ZCCHC7: variants seen among roughly 807,000 people sequenced by gnomAD.
The protein encoded by ZCCHC7 is zinc finger CCHC domain-containing protein 7.
A neutral mutation model predicts 52.0 loss-of-function variants in ZCCHC7; 35 were observed. That is an observed-to-expected ratio of 0.67 (90% CI 0.51 to 0.89). ZCCHC7 has a LOEUF of 0.89. ZCCHC7 is among the 40% of genes least tolerant of loss of function. ZCCHC7 has a pLI of 0.00. For missense variants in ZCCHC7, 574 were observed against 649.1 expected (o/e 0.88, Z 1.26); for synonymous variants, 217 against 221.5 (o/e 0.98, Z 0.18).
At chr9:37,217,619 A>C (rs1824579872) in intron 2 of ZCCHC7, among the ~76,000 whole-genome samples, 1 of 152,198 alleles carries the variant, frequency 6.6e-6, no homozygotes, top group Admixed American at 6.5e-5. Context: ...TATTGTTAGA[A>C]TAATATACAC....
intron 6 of ZCCHC7, among the ~76,000 whole-genome samples, chr9:37,340,187 G>A (rs908874486): frequency 2.6e-5 from 4 of 152,148 alleles, no homozygotes; most frequent in African/African-American, 7.2e-5. Flanking sequence ...GCTGCACTTT[G>A]AGGAGACATT....
intron 1 of ZCCHC7, among the ~76,000 whole-genome samples, chr9:37,122,108 A>G (rs999050018): frequency 1.3e-5 from 2 of 152,260 alleles, no homozygotes; most frequent in Non-Finnish European, 2.9e-5. Context: ...TGTGTCATCA[A>G]GAAGGAACAT....
chr9:37,222,967 A>T (rs1397058335), intron 2 of ZCCHC7, among the ~76,000 whole-genome samples: 1 of 152,160 alleles, frequency 6.6e-6, no homozygotes, highest in African/African-American at 2.4e-5. Flanking sequence ...ATCTGTTAAG[A>T]TGGCAGATCA....
At chr9:37,124,002 A>G (rs1474615830) in intron 1 of ZCCHC7, among the ~76,000 whole-genome samples, 1 of 152,208 alleles carries the variant, frequency 6.6e-6, no homozygotes, top group Non-Finnish European at 1.5e-5. Context: ...AAACAACTCC[A>G]GTAGGAATGT....
chr9:37,266,677 C>T (rs762021519), intron 2 of ZCCHC7, among the ~76,000 whole-genome samples: 5 of 152,000 alleles, frequency 3.3e-5, no homozygotes, highest in Non-Finnish European at 5.9e-5. Context: ...AGTTTGAGAC[C>T]AGCCTAGGCA....
At chr9:37,124,855 T>C (rs1316117015) in intron 1 of ZCCHC7, among the ~76,000 whole-genome samples, 2 of 152,218 alleles carry the variant, frequency 1.3e-5, no homozygotes, top group African/African-American at 4.8e-5. Context: ...TACATTTTTG[T>C]AACTAGTACA....
intron 2 of ZCCHC7, among the ~76,000 whole-genome samples, chr9:37,180,951 A>G (rs1822317792): frequency 6.6e-6 from 1 of 152,192 alleles, no homozygotes; most frequent in Non-Finnish European, 1.5e-5. Flanking sequence ...TTGTTTTCCA[A>G]TACATCAGGT....
At chr9:37,252,399 T>C (rs1826373531) in intron 2 of ZCCHC7, among the ~76,000 whole-genome samples, 1 of 152,194 alleles carries the variant, frequency 6.6e-6, no homozygotes, top group Non-Finnish European at 1.5e-5. Context: ...AGAACCAAAA[T>C]AGTGTAACAA....
At chr9:37,272,129 AT>A (rs1276224864) in intron 2 of ZCCHC7, among the ~76,000 whole-genome samples, 1 of 152,188 alleles carries the variant, frequency 6.6e-6, no homozygotes, top group East Asian at 1.9e-4. Flanking sequence ...GTCATTAATG[AT>A]TTTATCTACT....
At chr9:37,216,310 A>T (rs1304061372) in intron 2 of ZCCHC7, among the ~76,000 whole-genome samples, 1 of 152,190 alleles carries the variant, frequency 6.6e-6, no homozygotes, top group Non-Finnish European at 1.5e-5. Flanking sequence ...TAGAAATTTT[A>T]TTATATTATT....
chr9:37,314,522 A>T (rs1476569515), intron 5 of ZCCHC7, among the ~76,000 whole-genome samples: 3 of 152,224 alleles, frequency 2.0e-5, no homozygotes, highest in Non-Finnish European at 4.4e-5. Context: ...GGACATAATT[A>T]TCTGAGTTAT....
At chr9:37,172,366 G>A (rs773676366) in intron 2 of ZCCHC7, among the ~76,000 whole-genome samples, 8 of 152,050 alleles carry the variant, frequency 5.3e-5, no homozygotes, top group Non-Finnish European at 1.0e-4. Context: ...GAACTTTGCC[G>A]GATATTTTGA....
At chr9:37,319,127 G>A (rs1829951253) in intron 5 of ZCCHC7, among the ~76,000 whole-genome samples, 1 of 151,826 alleles carries the variant, frequency 6.6e-6, no homozygotes, top group African/African-American at 2.4e-5. Context: ...ATTTTCTAAT[G>A]GCTAATAATG....
At chr9:37,207,238 A>G (rs147416624) in intron 2 of ZCCHC7, among the ~76,000 whole-genome samples, 17 of 152,294 alleles carry the variant, frequency 1.1e-4, no homozygotes, top group Admixed American at 7.9e-4. Context: ...TTCTTAAATG[A>G]TATATTTGGA....
intron 2 of ZCCHC7, among the ~76,000 whole-genome samples, chr9:37,179,604 G>A (rs1822241967): frequency 1.3e-5 from 2 of 152,100 alleles, no homozygotes; most frequent in South Asian, 2.1e-4. Context: ...CTAATTTCGA[G>A]GTTTACCAGT....
At chr9:37,294,747 T>C (rs1828704376) in intron 2 of ZCCHC7, among the ~76,000 whole-genome samples, 1 of 152,186 alleles carries the variant, frequency 6.6e-6, no homozygotes, top group African/African-American at 2.4e-5. Flanking sequence ...TTTTCTGATA[T>C]TATTCATAGT....
At chr9:37,171,851 T>C (rs1821746691) in intron 2 of ZCCHC7, among the ~76,000 whole-genome samples, 1 of 152,232 alleles carries the variant, frequency 6.6e-6, no homozygotes, top group Admixed American at 6.5e-5. Context: ...ATATTGCTTA[T>C]ATTTGAGTAA....
At chr9:37,295,846 C>G (rs1285548467) in intron 2 of ZCCHC7, among the ~76,000 whole-genome samples, 2 of 151,980 alleles carry the variant, frequency 1.3e-5, no homozygotes, top group Non-Finnish European at 2.9e-5. Flanking sequence ...ATGACATAAT[C>G]TGGGAGAAAA....
chr9:37,209,459 A>G (rs559396979), intron 2 of ZCCHC7, among the ~76,000 whole-genome samples: 469 of 151,904 alleles, frequency 3.1e-3, no homozygotes, highest in Non-Finnish European at 5.2e-3. Flanking sequence ...AATTTTTTCA[A>G]TCTTGCTCAA....
Sources: allele counts gnomAD v4.1 joint callset (sites outside exome capture counted in the v4.1 genomes callset), GRCh38; gene constraint gnomAD v4.1.1; transcripts MANE v1.5; gene names NCBI Gene and HGNC (gene_info 2026-07-23, HGNC 2026-07-21).